The following CCDC171 variants were observed in gnomAD, a reference collection of about 807,000 sequenced individuals.
CCDC171 encodes the protein coiled-coil domain-containing protein 171.
CCDC171 carries 177 observed loss-of-function variants against 168.2 expected under a neutral mutation model. The observed-to-expected ratio is 1.05, with a 90% CI of 0.93 to 1.19. CCDC171 has a LOEUF of 1.19. CCDC171 is among the 50% of genes most tolerant of loss of function. CCDC171 has a pLI of 0.00. For missense variants in CCDC171, 1,991 were observed against 1,539.0 expected (o/e 1.29, Z -4.91); for synonymous variants, 687 against 540.8 (o/e 1.27, Z -3.75).
chr9:15,705,370 G>A (rs1364774813), intron 11 of CCDC171, among the ~76,000 whole-genome samples: 1 of 152,120 alleles, frequency 6.6e-6, no homozygotes, highest in South Asian at 2.1e-4. Context: ...AGCCAAAATG[G>A]TATCAATGGC....
intron 21 of CCDC171, among the ~76,000 whole-genome samples, chr9:15,826,067 T>C (rs2059998108): frequency 6.6e-6 from 1 of 152,102 alleles, no homozygotes; most frequent in African/African-American, 2.4e-5. Context: ...TTCTATCTTC[T>C]TATTTTATAT....
intron 6 of CCDC171, among the ~76,000 whole-genome samples, chr9:15,601,042 C>T (rs2042808791): frequency 6.6e-6 from 1 of 152,174 alleles, no homozygotes; most frequent in Admixed American, 6.5e-5. Flanking sequence ...TCACCCCTTT[C>T]CTTGGCTAGG....
chr9:15,666,758 A>T (rs1296163674), intron 9 of CCDC171, among the ~76,000 whole-genome samples: 1 of 152,078 alleles, frequency 6.6e-6, no homozygotes, highest in Non-Finnish European at 1.5e-5. Context: ...CCGGGAGTTC[A>T]AGGCTGAAGT....
chr9:16,074,206 G>T, the CCDC171 span, among the ~76,000 whole-genome samples: 1 of 152,008 alleles, frequency 6.6e-6, no homozygotes, highest in Non-Finnish European at 1.5e-5. Flanking sequence ...CTTCTTGTTG[G>T]TTTCCACACC....
In CCDC171 at chr9:15,926,800, A is replaced by G. The variant is rs536084005; in HGVS notation, c.3753+6378A>G. Among the ~76,000 whole-genome samples, 14 of 151,834 alleles carry G rather than the reference A, an allele frequency of 9.2e-5. No individual in the cohort carries two copies. The South Asian group carries it at 2.7e-3, about 29-fold the overall frequency. On this transcript the variant is annotated intron_variant, in intron 25 of 25. Transcript: ENST00000380701. ...TGTAAAAAGATTTTCTGATAGTTAT[A>G]TGTATTTCCTATAGCTAAGCTATAC... is the stretch of plus-strand genomic sequence containing the variant.
intron 3 of CCDC171, among the ~76,000 whole-genome samples, chr9:16,009,078 AAG>A (rs1176773902): frequency 6.6e-6 from 1 of 151,980 alleles, no homozygotes; most frequent in Non-Finnish European, 1.5e-5. Context: ...TAATTTTGCA[AAG>A]ATGTAACTGC....
chr9:16,081,484 A>T, the CCDC171 span, among the ~76,000 whole-genome samples: 3 of 152,164 alleles, frequency 2.0e-5, no homozygotes, highest in Non-Finnish European at 4.4e-5. Context: ...TTGCTCACTG[A>T]ACATGAACAA....
rs149008818 is a variant in CCDC171, at chr9:15,744,760, A to G, written c.2537A>G (p.Asp846Gly). The G allele has an allele frequency of 1.3e-4, 216 of 1,606,792 alleles. No homozygotes were observed. Among genetic ancestry groups the G allele is most frequent in the Non-Finnish European group, 1.8e-4 (208 of 1,176,718 alleles). ...TTAGTGTGCACAGGAGAGCCCCAAG[A>G]CAAGCATAAATTTCCAAGTAAGATA... ...GMLVCTGEPQ[D>G]KHKFPKHQKE... Residue 846 changes from aspartate (D) to glycine (G), a missense_variant, in exon 17 of 26, where the codon GAC (aspartate) becomes GGC (glycine). Transcript: ENST00000380701.
intron 18 of CCDC171, among the ~76,000 whole-genome samples, chr9:15,767,757 G>A (rs981971289): frequency 7.1e-6 from 1 of 139,964 alleles, no homozygotes; most frequent in African/African-American, 2.7e-5. Context: ...CTCTTTTCAT[G>A]TCCTTGGGCC....
In CCDC171 at chr9:15,877,264, A is replaced by C. The variant is rs113140454; in HGVS notation, c.3600+2601A>C. Among the ~76,000 whole-genome samples, 37 of 152,174 alleles carry C rather than the reference A, an allele frequency of 2.4e-4. 3 individuals are homozygous for C. The highest frequency in any genetic ancestry group is 8.4e-4 in the African/African-American group (35 of 41,544). ...GGGATTGAATACAGCAATGGATGTA[A>C]AGTGTAGTACAGTGCCTAGCCTAGA... is the stretch of plus-strand genomic sequence containing the variant. On this transcript the variant is annotated intron_variant, in intron 24 of 25. Coordinates refer to ENST00000380701, the MANE Select transcript of CCDC171 (RefSeq NM_173550.4).
chr9:15,610,659 G>C (rs2043616754), intron 6 of CCDC171, among the ~76,000 whole-genome samples: 1 of 151,226 alleles, frequency 6.6e-6, no homozygotes, highest in African/African-American at 2.4e-5. Context: ...CTGGTCCCAA[G>C]CCATCTTCCC....
intron 10 of CCDC171, among the ~76,000 whole-genome samples, chr9:15,689,235 TATCTC>T (rs1412176719): frequency 6.6e-6 from 1 of 152,100 alleles, no homozygotes; most frequent in Non-Finnish European, 1.5e-5. Flanking sequence ...AATGGAAAAA[TATCTC>T]ATGTTCATGT....
chr9:15,675,038 G>C (rs568284094), intron 9 of CCDC171, among the ~76,000 whole-genome samples: 111 of 152,156 alleles, frequency 7.3e-4, no homozygotes, highest in African/African-American at 2.6e-3. Flanking sequence ...ATGAATCTGG[G>C]TGCTCCTGTA....
intron 18 of CCDC171, among the ~76,000 whole-genome samples, chr9:15,768,384 G>A (rs1023007660): frequency 6.6e-6 from 1 of 151,838 alleles, no homozygotes; most frequent in African/African-American, 2.4e-5. Flanking sequence ...ATTTCTTATT[G>A]GGTTATTTTT....
At chr9:15,957,951 T>C (rs377131566) in intron 25 of CCDC171, among the ~76,000 whole-genome samples, 93 of 152,272 alleles carry the variant, frequency 6.1e-4, no homozygotes, top group African/African-American at 2.1e-3. Context: ...TTCTGAAGCT[T>C]GAGACACTTC....
Position 15,701,511 on chromosome 9 carries a change from T to A in CCDC171, c.1318+6174T>A, listed in dbSNP as rs371077540. ...GTTTGCTCCGTCAGTTGACTCTTAT[T>A]TTCATGAAAGAATTCTCTGTACCAT... On this transcript the variant is annotated intron_variant, in intron 11 of 25. Coordinates refer to ENST00000380701, the MANE Select transcript of CCDC171 (RefSeq NM_173550.4). Among the ~76,000 whole-genome samples, 137 of 152,246 alleles carry A rather than the reference T, an allele frequency of 9.0e-4. 1 individual carries two copies. The highest frequency in any genetic ancestry group is 3.2e-3 in the African/African-American group (131 of 41,538).
intron 6 of CCDC171, among the ~76,000 whole-genome samples, chr9:15,622,259 A>T (rs1485894924): frequency 6.6e-6 from 1 of 152,208 alleles, no homozygotes; most frequent in Non-Finnish European, 1.5e-5. Context: ...TAACAAACCT[A>T]CACATGTACC....
In CCDC171 at chr9:16,020,015, A is replaced by G. The variant is rs191109636; in HGVS notation, n.369-574A>G. Among the ~76,000 whole-genome samples the G allele has an allele frequency of 4.2e-3, 645 of 152,322 alleles. 3 individuals carry two copies. The highest frequency in any genetic ancestry group is 0.015 in the African/African-American group (621 of 41,568). On this transcript the variant is annotated intron_variant and non_coding_transcript_variant, in intron 3 of 9. Coordinates refer to the CCDC171 transcript ENST00000486641. ...CTTTATCTGCAAGGGGTATGTTCCAAGAACCCCAGTGGAAGCTTAAAACCT... is the reference window on the plus strand; with the variant it reads ...CTTTATCTGCAAGGGGTATGTTCCAGGAACCCCAGTGGAAGCTTAAAACCT...
chr9:16,021,782 G>C (rs1191641483), intron 4 of CCDC171, among the ~76,000 whole-genome samples: 1 of 152,212 alleles, frequency 6.6e-6, no homozygotes, highest in East Asian at 1.9e-4. Flanking sequence ...TTCAAGATTT[G>C]CGATGTCCCC....
Sources: gnomAD v4.1 joint callset for allele counts (sites outside exome capture counted in the v4.1 genomes callset) on GRCh38, gnomAD v4.1.1 for gene constraint, MANE v1.5 for transcripts, NCBI Gene and HGNC (gene_info 2026-07-23, HGNC 2026-07-21) for gene names.